Variants in ASIC5 observed in about 807,000 individuals in gnomAD.
ASIC5 encodes acid sensing ion channel subunit family member 5.
A neutral mutation model predicts 51.2 loss-of-function variants in ASIC5; 52 were observed. That is an observed-to-expected ratio of 1.02 (90% CI 0.81 to 1.28). The LOEUF (loss-of-function observed/expected upper bound fraction) is 1.28, where lower values mean the gene tolerates loss of function less well. Among genes scored for constraint, ASIC5 ranks in the 50% most tolerant of loss-of-function variants. ASIC5 has a pLI of 0.00. For missense variants in ASIC5, 635 were observed against 595.0 expected (o/e 1.07, Z -0.70); for synonymous variants, 231 against 200.7 (o/e 1.15, Z -1.28).
At chr4:155,834,227 C>G (rs963675596) in intron 8 of ASIC5, among the ~76,000 whole-genome samples, 2 of 152,146 alleles carry the variant, frequency 1.3e-5, no homozygotes, top group South Asian at 4.1e-4. Flanking sequence ...ACAGCAGCAG[C>G]CCCATGAGGC....
At chr4:155,841,664 G>A (rs1167152372) in intron 6 of ASIC5, among the ~76,000 whole-genome samples, 1 of 152,150 alleles carries the variant, frequency 6.6e-6, no homozygotes, top group Non-Finnish European at 1.5e-5. Flanking sequence ...GGCTTGGTAA[G>A]ACATATCCAT....
Position 155,862,845 on chromosome 4 carries a change from T to G in ASIC5, c.347+603A>C, listed in dbSNP as rs1741748302. ...CAAAGTAGTTCCCTCTTCCATTTCT[T>G]CTTCATCTCCACTTAGAAAGCTGTA... On this transcript the variant is annotated intron_variant, in intron 2 of 9. Coordinates refer to ENST00000537611, the MANE Select transcript of ASIC5 (RefSeq NM_017419.3). 2.0e-5 allele frequency among the ~76,000 whole-genome samples: 3 copies of G among 152,182 alleles called. No homozygotes were observed. In the South Asian group the frequency reaches 6.2e-4, roughly 32 times the overall value.
At chr4:155,861,990 C>A (rs1277754534) in intron 2 of ASIC5, among the ~76,000 whole-genome samples, 1 of 151,898 alleles carries the variant, frequency 6.6e-6, no homozygotes, top group Non-Finnish European at 1.5e-5. Flanking sequence ...TTAAATGTTT[C>A]TTTTTTAAAA....
chr4:155,836,701 C>A lies in ASIC5; in HGVS notation c.1223G>T (p.Arg408Leu), dbSNP rs142415354. Residue 408 changes from arginine (R) to leucine (L), a missense_variant, in exon 8 of 10, where the codon CGG (arginine) becomes CTG (leucine). Physicochemically the swap from Arg to Leu is moderately radical, Grantham distance 102. Coordinates refer to ENST00000537611, the MANE Select transcript of ASIC5 (RefSeq NM_017419.3). The part of the protein sequence containing the change: ...KYLSKKLNQS[R>L]KYIRENLVKI... ...CTAGTAAGGTTACCTGATGTATTTC[C>A]GGCTTTGATTCAACTTCTTGGAAAG... 5 of 1,605,642 alleles carry A rather than the reference C, an allele frequency of 3.1e-6. No individual in the cohort carries two copies. The highest frequency in any genetic ancestry group is 4.3e-6 in the Non-Finnish European group (5 of 1,174,084).
At chr4:155,853,940 T>C (rs1398025463) in intron 3 of ASIC5, 137 bp downstream of exon 3, 1 of 664,692 alleles carries the variant, frequency 1.5e-6, no homozygotes, top group Non-Finnish European at 2.6e-6. Context: ...ATCATAAGGC[T>C]GAGCTAATGA....
chr4:155,848,106 G>T (rs1184784529), intron 4 of ASIC5, among the ~76,000 whole-genome samples: 5 of 151,684 alleles, frequency 3.3e-5, no homozygotes, highest in Non-Finnish European at 7.4e-5. Context: ...GTTTTTATTA[G>T]GGCTTCTTAT....
At chr4:155,832,920 G>A (rs1182677461) in intron 8 of ASIC5, among the ~76,000 whole-genome samples, 1 of 151,870 alleles carries the variant, frequency 6.6e-6, no homozygotes, top group Non-Finnish European at 1.5e-5. Context: ...TGTCAGGAAG[G>A]ACTTTCCTGA....
At chr4:155,850,749 A>T (rs1010140482) in intron 4 of ASIC5, among the ~76,000 whole-genome samples, 2 of 152,026 alleles carry the variant, frequency 1.3e-5, no homozygotes, top group African/African-American at 2.4e-5. Context: ...TGCAATTAAA[A>T]TCCCTGCCCT....
intron 3 of ASIC5, among the ~76,000 whole-genome samples, chr4:155,853,572 GTTATTATATATAA>G (rs1741439909): frequency 7.5e-4 from 2 of 2,668 alleles, no homozygotes; most frequent in Non-Finnish European, 1.6e-3. Context: ...ATATATACTA[GTTATTATATATAA>G]TATATAATAT....
At chr4:155,863,309 A>G in intron 2 of ASIC5, 139 bp downstream of exon 2, 1 of 646,474 alleles carries the variant, frequency 1.5e-6, no homozygotes, top group Non-Finnish European at 2.6e-6. Flanking sequence ...TGTGCTTTTG[A>G]GTGCAATTTA....
At chr4:155,838,753 T>C (rs1741049579) in intron 7 of ASIC5, 60 bp downstream of exon 7, 1 of 1,007,442 alleles carries the variant, frequency 9.9e-7, no homozygotes. Context: ...CTTAATGTCT[T>C]ATATTACTTT....
Position 155,866,187 on chromosome 4 carries a change from C to A in ASIC5, c.40G>T (p.Gly14Ter). The A allele has an allele frequency of 6.3e-7, 1 of 1,597,842 alleles. No individual in the cohort carries two copies. The highest frequency in any genetic ancestry group is 2.2e-5 in the East Asian group (1 of 44,656). Residue 14 changes from glycine to a stop codon, truncating the protein, a stop_gained and splice_region_variant, in exon 1 of 10, where the codon GGA becomes TGA. Transcript: ENST00000537611. LOFTEE classifies it high-confidence loss of function. ...TEKSKVYAEN[G>*]LLEKIKLCLS... Reference sequence around the variant, plus strand: ...TCTGAGGAGTTCACTCTTTACTCACCGTTCTCAGCATATACTTTTGATTTT... The same window carrying A: ...TCTGAGGAGTTCACTCTTTACTCACAGTTCTCAGCATATACTTTTGATTTT...
chr4:155,830,069 T>C (rs1439275327), intron 9 of ASIC5, 23 bp from the exon 10 acceptor site: 9 of 1,439,662 alleles, frequency 6.3e-6, no homozygotes, highest in Non-Finnish European at 8.3e-6. Flanking sequence ...CAATAAAGAT[T>C]GAATGTCATT....
At position 155,863,642 on chromosome 4, in the gene ASIC5, G is replaced by T. The variant is rs1159427151; in HGVS notation, c.153C>A (p.His51Gln). The change falls in exon 2 of 10, where the codon CAC becomes CAA. Residue 51 changes from histidine (H) to glutamine (Q), a missense_variant. By Grantham distance (24) the His-to-Gln change is conservative. Coordinates refer to ENST00000537611, the MANE Select transcript of ASIC5 (RefSeq NM_017419.3). ...FAISTSFHGIHNIVQNRSKIR... is the reference protein window; with the variant it reads ...FAISTSFHGIQNIVQNRSKIR... ...TTTTGCTCCGGTTCTGAACAATATT[G>T]TGTATCCCATGAAAGGAAGTGGAGA... 1 of 1,613,716 alleles carries T rather than the reference G, an allele frequency of 6.2e-7. No homozygotes were observed. Among genetic ancestry groups the T allele is most frequent in the Non-Finnish European group, 8.5e-7 (1 of 1,179,922 alleles).
intron 2 of ASIC5, 107 bp from the exon 3 acceptor site, chr4:155,854,421 T>C: frequency 2.4e-6 from 2 of 824,762 alleles, no homozygotes; most frequent in East Asian, 2.5e-5. Flanking sequence ...TCTCCCACAC[T>C]CTCCCTTATT....
chr4:155,845,213 G>A (rs1168985491), intron 4 of ASIC5, among the ~76,000 whole-genome samples: 1 of 152,008 alleles, frequency 6.6e-6, no homozygotes, highest in East Asian at 1.9e-4. Context: ...TCTGAAATAT[G>A]GTAATGAGGT....
chr4:155,832,395 T>A (rs551412657), intron 8 of ASIC5, among the ~76,000 whole-genome samples: 1 of 152,314 alleles, frequency 6.6e-6, no homozygotes, highest in Admixed American at 6.5e-5. Context: ...TGACGTATAT[T>A]GGGTGTTCGA....
In ASIC5 at chr4:155,831,813, A is replaced by G. The variant is rs746490038; in HGVS notation, c.1327+11T>C. The G allele has an allele frequency of 6.6e-7, 1 of 1,515,892 alleles. No homozygotes were observed. Among genetic ancestry groups the G allele is most frequent in the Non-Finnish European group, 9.1e-7 (1 of 1,093,808 alleles). 93.9% of individuals were successfully genotyped at this position (1,515,892 alleles called of 1,614,324 possible). A position where few individuals can be genotyped will look rare whatever the true frequency, so the allele number is the denominator to read the frequency against. On this transcript the variant is annotated intron_variant, in intron 9 of 9. Coordinates refer to ENST00000537611, the MANE Select transcript of ASIC5 (RefSeq NM_017419.3). The stretch of plus-strand genomic sequence containing the variant: ...AATAAATAAAATAAGGAGCAATTAA[A>G]TAACACTTACCAAGTAACTCAGACA...
chr4:155,853,576 TTATATATAATATATAATA>T (rs1741440187), intron 3 of ASIC5, among the ~76,000 whole-genome samples: 1 of 2,540 alleles, frequency 3.9e-4, no homozygotes. Flanking sequence ...ATACTAGTTA[TTATATATAATATATAATA>T]TATACTAGTT....
Sources: allele counts gnomAD v4.1 joint callset (sites outside exome capture counted in the v4.1 genomes callset), GRCh38; gene constraint gnomAD v4.1.1; transcripts MANE v1.5; gene names NCBI Gene and HGNC (gene_info 2026-07-23, HGNC 2026-07-21).